The following FBXW8 variants were observed in gnomAD, a reference collection of about 807,000 sequenced individuals.
FBXW8 encodes the protein F-box/WD repeat-containing protein 8.
FBXW8 carries 57 observed loss-of-function variants against 65.3 expected under a neutral mutation model. That is an observed-to-expected ratio of 0.87 (90% CI 0.71 to 1.09). The LOEUF is 1.09. Ranked by LOEUF, FBXW8 falls within the 50% of genes least tolerant of loss-of-function variation. The probability of loss-of-function intolerance (pLI) is 0.00; values close to 1 mark genes in which losing one functional copy is unlikely to be tolerated. For missense variants in FBXW8, 777 were observed against 814.8 expected, an observed-to-expected ratio of 0.95 and a Z score of 0.57; for synonymous variants, 308 against 330.2, an observed-to-expected ratio of 0.93 and a Z score of 0.73.
intron 8 of FBXW8, among the ~76,000 whole-genome samples, chr12:117,018,600 G>C (rs182908250): frequency 2.6e-4 from 35 of 132,794 alleles, no homozygotes; most frequent in Non-Finnish European, 2.9e-4. Context: ...TGTTTCTGTC[G>C]ACGAGAAGCC....
chr12:116,979,123 C>T (rs1885136871), intron 5 of FBXW8: 1 of 152,214 alleles, frequency 6.6e-6, no homozygotes, highest in South Asian at 2.1e-4. Flanking sequence ...GTGCAAGTAC[C>T]ATTAGACAGA....
Position 116,988,889 on chromosome 12 carries a change from T to G in FBXW8, c.1239+20T>G, listed in dbSNP as rs760674088. On this transcript the variant is annotated intron_variant, in intron 7 of 10. Transcript: ENST00000652555. ...AGCAAGGTACACAACTAGCAAGATA[T>G]ATAATTAACAAAAAAGAATATAGAT... is the stretch of plus-strand genomic sequence containing the variant. 1 of 1,592,702 alleles carries G rather than the reference T, an allele frequency of 6.3e-7. No homozygotes were observed. The highest frequency in any genetic ancestry group is 8.6e-7 in the Non-Finnish European group (1 of 1,163,728).
chr12:116,970,457 G>A (rs1193709583), intron 5 of FBXW8, among the ~76,000 whole-genome samples: 1 of 152,156 alleles, frequency 6.6e-6, no homozygotes, highest in Admixed American at 6.5e-5. Context: ...GGGCGGAGGT[G>A]ACTATGATTT....
At chr12:116,995,604 A>T (rs979322976) in intron 7 of FBXW8, among the ~76,000 whole-genome samples, 3 of 152,186 alleles carry the variant, frequency 2.0e-5, no homozygotes, top group African/African-American at 7.2e-5. Context: ...AGCTGTATGT[A>T]GGAAGAAGGG....
chr12:116,985,701 G>A (rs958200627), intron 6 of FBXW8: 17 of 273,376 alleles, frequency 6.2e-5, no homozygotes, highest in African/African-American at 3.7e-4. Flanking sequence ...GTGGTTCCTT[G>A]GCCTTCTTCA....
In FBXW8 at chr12:117,029,631, G is replaced by A. The variant is rs879876573; in HGVS notation, c.*1459G>A. 4 of 152,032 alleles carry A rather than the reference G, an allele frequency of 2.6e-5. No homozygotes were observed. Among genetic ancestry groups the A allele is most frequent in the Non-Finnish European group, 5.9e-5 (4 of 67,998 alleles). 9.4% of individuals were successfully genotyped at this position (152,032 alleles called of 1,614,324 possible). ...AAGGTTTTGTTTTTTTTCAGGTGGG[G>A]TCTCGCTCTGTCACCTAGACTAGAC... is the stretch of plus-strand genomic sequence containing the variant. On this transcript the variant is annotated 3_prime_UTR_variant, in exon 11 of 11. Coordinates refer to ENST00000652555, the MANE Select transcript of FBXW8 (RefSeq NM_153348.3).
intron 7 of FBXW8, among the ~76,000 whole-genome samples, chr12:117,004,300 A>G (rs1452979016): frequency 6.6e-6 from 1 of 151,984 alleles, no homozygotes; most frequent in East Asian, 1.9e-4. Flanking sequence ...CAGCATGCTT[A>G]TTTTGTATTC....
In FBXW8 at chr12:116,953,227, A is replaced by C. The variant is rs139421341; in HGVS notation, c.677+3521A>C. ...ACTTTCTTAGTTTTCTCAGTTTAGA[A>C]TCATACATTTTTAAACCTGGAAGGA... On this transcript the variant is annotated intron_variant, in intron 4 of 10. Coordinates refer to ENST00000652555, the MANE Select transcript of FBXW8 (RefSeq NM_153348.3). Among the ~76,000 whole-genome samples the C allele has an allele frequency of 7.5e-3, 1,142 of 152,270 alleles. 10 individuals carry two copies. Among genetic ancestry groups the C allele is most frequent in the Non-Finnish European group, 9.7e-3 (657 of 68,032 alleles).
chr12:116,955,045 G>GA (rs1343172912), intron 4 of FBXW8, among the ~76,000 whole-genome samples: 9 of 151,162 alleles, frequency 6.0e-5, no homozygotes, highest in African/African-American at 1.9e-4. Context: ...ATGGGGGGGG[G>GA]GGGCCCTGTA....
In FBXW8 at chr12:116,985,207, G is replaced by A; in HGVS notation, c.837G>A (p.Gly279=). The A allele has an allele frequency of 1.3e-6, 2 of 1,597,848 alleles. No individual in the cohort carries two copies. The highest frequency in any genetic ancestry group is 1.7e-6 in the Non-Finnish European group (2 of 1,173,828). ...CCTGCATTGTTTCTTGCTGCATAGG[G>A]TTTCTTAATATTTGGGATTTAAGGA... is the stretch of plus-strand genomic sequence containing the variant. ...SSLAVAAYED[G]FLNIWDLRTG... The change falls in exon 6 of 11, where the codon GGG becomes GGA. Residue 279 remains glycine, a splice_region_variant and synonymous_variant. Transcript: ENST00000652555.
chr12:117,011,868 G>GA (rs1281605977), intron 8 of FBXW8, among the ~76,000 whole-genome samples: 2 of 152,048 alleles, frequency 1.3e-5, no homozygotes, highest in Non-Finnish European at 2.9e-5. Context: ...AAAATATTAA[G>GA]AAAAAAATTC....
chr12:117,008,782 C>T (rs1953736353), intron 7 of FBXW8, among the ~76,000 whole-genome samples: 1 of 152,348 alleles, frequency 6.6e-6, no homozygotes, highest in Admixed American at 6.5e-5. Context: ...GAGGAGAAAT[C>T]TTTCTACAAA....
intron 7 of FBXW8, among the ~76,000 whole-genome samples, chr12:117,006,513 C>G (rs954856561): frequency 6.6e-6 from 1 of 152,242 alleles, no homozygotes; most frequent in African/African-American, 2.4e-5. Flanking sequence ...GCCCGCCTGC[C>G]CACGGCGGTG....
chr12:116,993,010 A>G (rs1953284859), intron 7 of FBXW8, among the ~76,000 whole-genome samples: 3 of 151,816 alleles, frequency 2.0e-5, no homozygotes, highest in Admixed American at 2.0e-4. Context: ...ACTGTTTTCC[A>G]TAGAGATTGT....
chr12:116,971,431 C>CT (rs1474261034), intron 5 of FBXW8, among the ~76,000 whole-genome samples: 1 of 151,232 alleles, frequency 6.6e-6, no homozygotes, highest in Non-Finnish European at 1.5e-5. Flanking sequence ...GGGCGTTGAA[C>CT]TTTAAGTTGA....
In FBXW8 at chr12:116,927,926, C is replaced by A. The variant is rs1009419815; in HGVS notation, c.319-97C>A. ...GAAACAGCCTCATCTATCTTGTTACCACCTAAGAATATCTCTGGTCATTTA... is the reference window on the plus strand; with the variant it reads ...GAAACAGCCTCATCTATCTTGTTACAACCTAAGAATATCTCTGGTCATTTA... On this transcript the variant is annotated intron_variant, in intron 1 of 10. Coordinates refer to ENST00000652555, the MANE Select transcript of FBXW8 (RefSeq NM_153348.3). The A allele has an allele frequency of 5.8e-6, 4 of 695,140 alleles. No homozygotes were observed. In the African/African-American group the frequency reaches 7.3e-5, roughly 13 times the overall value. 43.1% of individuals were successfully genotyped at this position (695,140 alleles called of 1,614,324 possible). A position where few individuals can be genotyped will look rare whatever the true frequency, so the allele number is the denominator to read the frequency against.
chr12:116,953,280 C>T (rs1295770770), intron 4 of FBXW8, among the ~76,000 whole-genome samples: 1 of 152,020 alleles, frequency 6.6e-6, no homozygotes, highest in African/African-American at 2.4e-5. Context: ...TTCCAAGACC[C>T]TCATCTTGCT....
chr12:117,003,006 C>T (rs1953572729), intron 7 of FBXW8: 1 of 152,136 alleles, frequency 6.6e-6, no homozygotes, highest in African/African-American at 2.4e-5. Context: ...TAAATTCTAC[C>T]ATGAAGATGT....
chr12:116,929,193 G>A (rs185788571), intron 2 of FBXW8, among the ~76,000 whole-genome samples: 11 of 152,184 alleles, frequency 7.2e-5, no homozygotes, highest in South Asian at 2.1e-4. Context: ...CATTAACATC[G>A]TTCTCTTGTT....
Sources: allele counts gnomAD v4.1 joint callset (sites outside exome capture counted in the v4.1 genomes callset), GRCh38; gene constraint gnomAD v4.1.1; transcripts MANE v1.5; gene names NCBI Gene and HGNC (gene_info 2026-07-23, HGNC 2026-07-21).